SH3RF2: variants seen among roughly 807,000 people sequenced by gnomAD.
The protein encoded by SH3RF2 is SH3 domain containing ring finger 2.
In SH3RF2, 43 loss-of-function variants were observed where a neutral mutation model predicts 59.0. The ratio of observed to expected loss-of-function variants is 0.73; its 90% CI spans 0.57 to 0.94. SH3RF2 has a LOEUF of 0.94. Ranked by LOEUF, SH3RF2 falls within the 40% of genes least tolerant of loss-of-function variation. The probability of loss-of-function intolerance (pLI) is 0.00; values close to 1 mark genes in which losing one functional copy is unlikely to be tolerated. For missense variants in SH3RF2, 930 were observed against 940.1 expected, an observed-to-expected ratio of 0.99 and a Z score of 0.14; for synonymous variants, 391 against 391.5, an observed-to-expected ratio of 1.00 and a Z score of 0.01.
rs10586561 is a variant in SH3RF2 at position 146,028,163 on chromosome 5, A to AACACAC, written c.1059+14144_1059+14149dup. 4.0e-3 allele frequency among the ~76,000 whole-genome samples: 566 copies of AACACAC among 142,422 alleles called. 3 individuals carry two copies. The highest frequency in any genetic ancestry group is 0.011 in the African/African-American group (394 of 37,224). The allele number at this position is 142,422 out of a possible 152,430, so 93.4% of individuals were successfully genotyped here. A position where few individuals can be genotyped will look rare whatever the true frequency, so the allele number is the denominator to read the frequency against. On this transcript the variant is annotated intron_variant, in intron 5 of 9. Coordinates refer to ENST00000359120, the MANE Select transcript of SH3RF2 (RefSeq NM_152550.4). ...GATATCCAAGGCCAATGAGGCCTGCAACACACACACACACACACACACACA... is the reference window on the plus strand; with the variant it reads ...GATATCCAAGGCCAATGAGGCCTGCAACACACACACACACACACACACACACACACA...
chr5:146,054,349 T>A (rs1279852450), intron 7 of SH3RF2, among the ~76,000 whole-genome samples: 1 of 151,962 alleles, frequency 6.6e-6, no homozygotes, highest in East Asian at 1.9e-4. Flanking sequence ...TAATTAGCTG[T>A]ATGCTGCCCT....
chr5:145,971,588 C>G (rs1266917071), intron 2 of SH3RF2, among the ~76,000 whole-genome samples: 1 of 152,210 alleles, frequency 6.6e-6, no homozygotes, highest in Non-Finnish European at 1.5e-5. Flanking sequence ...GTGCTGCTTT[C>G]TAGGATGGGA....
chr5:146,054,597 G>A (rs1336800528), intron 7 of SH3RF2, among the ~76,000 whole-genome samples: 1 of 152,126 alleles, frequency 6.6e-6, no homozygotes, highest in Admixed American at 6.5e-5. Context: ...ACCACCATGG[G>A]GACCAGAGAC....
At chr5:145,969,209 A>G (rs1472672553) in intron 2 of SH3RF2, among the ~76,000 whole-genome samples, 3 of 152,212 alleles carry the variant, frequency 2.0e-5, no homozygotes, top group African/African-American at 7.2e-5. Context: ...AGAGGCTATG[A>G]AAAGGAATGA....
At chr5:145,967,163 T>C (rs1264802589) in intron 2 of SH3RF2, among the ~76,000 whole-genome samples, 1 of 152,212 alleles carries the variant, frequency 6.6e-6, no homozygotes, top group Non-Finnish European at 1.5e-5. Context: ...AATCCTAGTA[T>C]GAGTTGGAGG....
chr5:146,064,756 AAGG>A (rs1218039061), downstream of SH3RF2, among the ~76,000 whole-genome samples: 37 of 5,346 alleles, frequency 6.9e-3, no homozygotes, highest in South Asian at 0.031. Flanking sequence ...GGAAGGAAGG[AAGG>A]AAGGAAGGAA....
chr5:146,011,829 G>A (rs546935413), intron 4 of SH3RF2, among the ~76,000 whole-genome samples: 2 of 152,306 alleles, frequency 1.3e-5, no homozygotes, highest in East Asian at 1.9e-4. Flanking sequence ...TCTGCAAAGA[G>A]GGACAATTTG....
At chr5:146,036,227 A>G (rs944215944) in intron 5 of SH3RF2, among the ~76,000 whole-genome samples, 17 of 152,196 alleles carry the variant, frequency 1.1e-4, no homozygotes, top group African/African-American at 4.1e-4. Flanking sequence ...TGAAAGCAGC[A>G]GGACCCTTGG....
intron 5 of SH3RF2, among the ~76,000 whole-genome samples, chr5:146,027,187 A>G (rs2150001317): frequency 6.6e-6 from 1 of 152,248 alleles, no homozygotes; most frequent in South Asian, 2.1e-4. Context: ...TCTTGGGACA[A>G]TTGCACTTGC....
chr5:145,977,611 A>G (rs1277478408), intron 2 of SH3RF2, among the ~76,000 whole-genome samples: 1 of 152,174 alleles, frequency 6.6e-6, no homozygotes, highest in Non-Finnish European at 1.5e-5. Context: ...ACAGGTATGG[A>G]CATGTGGTGG....
chr5:146,042,626 T>A (rs563620309), intron 5 of SH3RF2, among the ~76,000 whole-genome samples: 2 of 152,286 alleles, frequency 1.3e-5, no homozygotes, highest in South Asian at 4.1e-4. Context: ...TATACCTGAG[T>A]GGCTGATGGT....
At chr5:146,040,070 A>C (rs1393577825) in intron 5 of SH3RF2, among the ~76,000 whole-genome samples, 1 of 152,268 alleles carries the variant, frequency 6.6e-6, no homozygotes, top group Non-Finnish European at 1.5e-5. Flanking sequence ...AGGTGGTAAC[A>C]ACATAGAAAA....
exon 10 of SH3RF2, chr5:146,080,555 C>T (rs1395501748): frequency 6.6e-6 from 1 of 152,106 alleles, no homozygotes; most frequent in Non-Finnish European, 1.5e-5. Flanking sequence ...TAAGGACTTC[C>T]AAACCTTTCA....
chr5:145,989,334 A>G (rs1580820022), intron 2 of SH3RF2, among the ~76,000 whole-genome samples: 1 of 152,244 alleles, frequency 6.6e-6, no homozygotes, highest in South Asian at 2.1e-4. Context: ...ATAGATCTGC[A>G]CTTGAGTAAT....
At chr5:145,998,277 T>C (rs1055539265) in intron 2 of SH3RF2, among the ~76,000 whole-genome samples, 50 of 96,380 alleles carry the variant, frequency 5.2e-4, no homozygotes, top group Non-Finnish European at 8.8e-4. Flanking sequence ...TAGGGGCCCA[T>C]AGTTAAAAAA....
downstream of SH3RF2, among the ~76,000 whole-genome samples, chr5:146,064,864 GAGA>G (rs1763064337): frequency 1.4e-5 from 1 of 69,092 alleles, no homozygotes; most frequent in African/African-American, 5.7e-5. Context: ...AAGAAAGAAA[GAGA>G]AAGAAAAAGA....
At chr5:145,990,394 A>C (rs1420918089) in intron 2 of SH3RF2, among the ~76,000 whole-genome samples, 1 of 152,212 alleles carries the variant, frequency 6.6e-6, no homozygotes, top group Non-Finnish European at 1.5e-5. Context: ...CAGAGAAAAT[A>C]CTAATTATCC....
chr5:146,041,540 A>C (rs887986528), intron 5 of SH3RF2, among the ~76,000 whole-genome samples: 1 of 152,180 alleles, frequency 6.6e-6, no homozygotes, highest in African/African-American at 2.4e-5. Flanking sequence ...AGTCTATAGA[A>C]GGGAATGAGC....
At chr5:145,969,472 G>A (rs1758987721) in intron 2 of SH3RF2, among the ~76,000 whole-genome samples, 1 of 152,176 alleles carries the variant, frequency 6.6e-6, no homozygotes, top group Non-Finnish European at 1.5e-5. Context: ...CTGCATCACT[G>A]AGTGGTGATG....
Sources: gnomAD v4.1 joint callset for allele counts (sites outside exome capture counted in the v4.1 genomes callset) on GRCh38, gnomAD v4.1.1 for gene constraint, MANE v1.5 for transcripts, NCBI Gene and HGNC (gene_info 2026-07-23, HGNC 2026-07-21) for gene names.